ENPP6: variants seen among roughly 807,000 people sequenced by gnomAD.
ENPP6 encodes the protein glycerophosphocholine cholinephosphodiesterase ENPP6.
ENPP6 carries 32 observed loss-of-function variants against 42.0 expected under a neutral mutation model. The observed-to-expected ratio is 0.76, with a 90% confidence interval of 0.58 to 1.02. ENPP6 has a LOEUF of 1.02. Ranked by LOEUF, ENPP6 falls within the 50% of genes least tolerant of loss-of-function variation. The pLI is 0.00. For missense variants in ENPP6, 552 were observed against 566.8 expected (o/e 0.97, Z 0.27); for synonymous variants, 213 against 216.0 (o/e 0.99, Z 0.12).
intron 6 of ENPP6, among the ~76,000 whole-genome samples, chr4:184,111,841 C>A (rs933637718): frequency 6.6e-6 from 1 of 152,208 alleles, no homozygotes; most frequent in Non-Finnish European, 1.5e-5. Flanking sequence ...CTGATCATCG[C>A]CTGTCCTCAT....
At chr4:184,110,643 A>G (rs1389440007) in intron 6 of ENPP6, among the ~76,000 whole-genome samples, 1 of 152,154 alleles carries the variant, frequency 6.6e-6, no homozygotes, top group African/African-American at 2.4e-5. Context: ...ACGGGATATG[A>G]TGTGATGCAT....
At chr4:184,164,528 G>A (rs1448425534) in intron 1 of ENPP6, among the ~76,000 whole-genome samples, 1 of 152,162 alleles carries the variant, frequency 6.6e-6, no homozygotes, top group Non-Finnish European at 1.5e-5. Flanking sequence ...TGTTTGGAGA[G>A]GGAGAGATGG....
intron 6 of ENPP6, among the ~76,000 whole-genome samples, chr4:184,099,979 G>A (rs77659322): frequency 0.016 from 2,492 of 152,366 alleles, 77 homozygotes; most frequent in African/African-American, 0.057. Flanking sequence ...AAGAACAGAA[G>A]CAAGATAGGT....
chr4:184,206,457 C>T (rs1236277146), intron 1 of ENPP6, among the ~76,000 whole-genome samples: 1 of 142,348 alleles, frequency 7.0e-6, no homozygotes, highest in Non-Finnish European at 1.5e-5. Flanking sequence ...GGGGTTTCAC[C>T]GTGTTAGCCA....
chr4:184,208,662 G>T lies in ENPP6; in HGVS notation c.241+8917C>A, dbSNP rs1296386440. Among the ~76,000 whole-genome samples the T allele has an allele frequency of 2.8e-3, 414 of 149,612 alleles. 5 individuals carry two copies. Among genetic ancestry groups the T allele is most frequent in the African/African-American group, 9.7e-3 (388 of 40,172 alleles). ...CTGCAAGGCGGCAGCGAGGCTGGGG[G>T]AGGGGCGCCCGCCATTGCCCAGGCT... On this transcript the variant is annotated intron_variant, in intron 1 of 7. Coordinates refer to ENST00000296741, the MANE Select transcript of ENPP6 (RefSeq NM_153343.4).
At chr4:184,169,260 C>T (rs908594516) in intron 1 of ENPP6, among the ~76,000 whole-genome samples, 3 of 152,114 alleles carry the variant, frequency 2.0e-5, no homozygotes, top group African/African-American at 7.2e-5. Context: ...ATTCCTGCCA[C>T]AGTGACCGTG....
chr4:184,145,187 A>T (rs1736897714), intron 2 of ENPP6, among the ~76,000 whole-genome samples: 1 of 152,318 alleles, frequency 6.6e-6, no homozygotes, highest in South Asian at 2.1e-4. Context: ...GCAGCGTTGC[A>T]TGTGGAACGA....
rs138506590 is a variant in ENPP6, at chr4:184,193,592, T to C, written c.241+23987A>G. On this transcript the variant is annotated intron_variant, in intron 1 of 7. Coordinates refer to ENST00000296741, the MANE Select transcript of ENPP6 (RefSeq NM_153343.4). ...TGTAAATATACTAAAAATAACTGGGTTGTACTCTTAAAATGGCTAGATTTT... is the reference window on the plus strand; with the variant it reads ...TGTAAATATACTAAAAATAACTGGGCTGTACTCTTAAAATGGCTAGATTTT... 2.9e-3 allele frequency among the ~76,000 whole-genome samples: 444 copies of C among 152,330 alleles called. 1 individual carries two copies. Among genetic ancestry groups the C allele is most frequent in the African/African-American group, 0.01 (424 of 41,564 alleles).
chr4:184,170,998 T>C lies in ENPP6; in HGVS notation c.242-17265A>G, dbSNP rs77717578. Among the ~76,000 whole-genome samples, 37 of 152,338 alleles carry C rather than the reference T, an allele frequency of 2.4e-4. No homozygotes were observed. In the East Asian group the frequency reaches 6.9e-3, roughly 29 times the overall value. On this transcript the variant is annotated intron_variant, in intron 1 of 7. Coordinates refer to ENST00000296741, the MANE Select transcript of ENPP6 (RefSeq NM_153343.4). ...CTATTTGGACTGTATACCCCTTACA[T>C]TGAAGTGAGGGGGTGGATCAGTTAT... is the stretch of plus-strand genomic sequence containing the variant.
At chr4:184,122,778 T>C (rs1736440393) in intron 3 of ENPP6, among the ~76,000 whole-genome samples, 1 of 152,200 alleles carries the variant, frequency 6.6e-6, no homozygotes, top group African/African-American at 2.4e-5. Context: ...ATGACAACTC[T>C]AACCCGAAAT....
At chr4:184,215,396 A>T (rs4862343) in intron 1 of ENPP6, among the ~76,000 whole-genome samples, 82,292 of 152,008 alleles carry the variant, frequency 0.54, 22,767 homozygotes, top group East Asian at 0.8. Context: ...CCTTCTTTAT[A>T]TGAGTAAAAG....
At chr4:184,187,969 A>G (rs913359618) in intron 1 of ENPP6, among the ~76,000 whole-genome samples, 1 of 152,242 alleles carries the variant, frequency 6.6e-6, no homozygotes. Flanking sequence ...CTGGGGATAC[A>G]GCGCAGAACA....
intron 4 of ENPP6, 134 bp downstream of exon 4, chr4:184,117,625 G>A: frequency 2.3e-6 from 3 of 1,304,608 alleles, no homozygotes; most frequent in Non-Finnish European, 3.2e-6. Context: ...GAAGCCAAGG[G>A]ACTCGTCAAA....
chr4:184,206,524 G>A (rs1389278497), intron 1 of ENPP6, among the ~76,000 whole-genome samples: 2 of 151,880 alleles, frequency 1.3e-5, no homozygotes. Flanking sequence ...CCAAAGTGCT[G>A]GGATTACAGG....
At position 184,131,311 on chromosome 4, in the gene ENPP6, T is replaced by C. The variant is rs532674252; in HGVS notation, c.422-7039A>G. ...TCCTTCCTTCCTTCCTTCCTTCCTT[T>C]CTCTCTCCTCTCTCTCTTTCTTCTT... On this transcript the variant is annotated intron_variant, in intron 2 of 7. Transcript: ENST00000296741. 8.0e-4 allele frequency among the ~76,000 whole-genome samples: 78 copies of C among 96,958 alleles called. 2 individuals carry two copies. Among genetic ancestry groups the C allele is most frequent in the Middle Eastern group, 5.7e-3 (1 of 176 alleles). 63.6% of individuals were successfully genotyped at this position (96,958 alleles called of 152,430 possible). A position where few individuals can be genotyped will look rare whatever the true frequency, so the allele number is the denominator to read the frequency against.
At chr4:184,198,588 G>C (rs1239457080) in intron 1 of ENPP6, among the ~76,000 whole-genome samples, 1 of 152,206 alleles carries the variant, frequency 6.6e-6, no homozygotes, top group African/African-American at 2.4e-5. Flanking sequence ...AGTGCAGACT[G>C]AGAAAACCAA....
At chr4:184,114,890 T>C (rs545032880) in intron 5 of ENPP6, among the ~76,000 whole-genome samples, 2 of 152,340 alleles carry the variant, frequency 1.3e-5, no homozygotes, top group South Asian at 2.1e-4. Context: ...AAACATATCC[T>C]GCACCTGCAG....
chr4:184,139,628 C>A (rs188656166), intron 2 of ENPP6, among the ~76,000 whole-genome samples: 2 of 117,048 alleles, frequency 1.7e-5, no homozygotes, highest in African/African-American at 6.4e-5. Flanking sequence ...TTTGTTCTTG[C>A]GATAGTTTAC....
intron 7 of ENPP6, among the ~76,000 whole-genome samples, chr4:184,093,445 C>G (rs1198638357): frequency 6.6e-6 from 1 of 151,666 alleles, no homozygotes; most frequent in African/African-American, 2.4e-5. Flanking sequence ...TCAAGACCAG[C>G]CTGGCCAACA....
Sources: gnomAD v4.1 joint callset for allele counts (sites outside exome capture counted in the v4.1 genomes callset) on GRCh38, gnomAD v4.1.1 for gene constraint, MANE v1.5 for transcripts, NCBI Gene and HGNC (gene_info 2026-07-23, HGNC 2026-07-21) for gene names.